The following NHS variants were observed in gnomAD, a reference collection of about 807,000 sequenced individuals.
The protein encoded by NHS is NHS actin remodeling regulator, also known as actin remodeling regulator NHS.
NHS carries 5 observed loss-of-function variants against 72.5 expected under a neutral mutation model. That is an observed-to-expected ratio of 0.07 (90% CI 0.04 to 0.14). The LOEUF (loss-of-function observed/expected upper bound fraction) is 0.14, where lower values mean the gene tolerates loss of function less well. Ranked by LOEUF, NHS falls within the 10% of genes least tolerant of loss-of-function variation. The pLI, the probability that NHS is intolerant of heterozygous loss-of-function variation, is 1.00. For synonymous variants in NHS, 464 were observed against 547.7 expected, an observed-to-expected ratio of 0.85 and a Z score of 2.13; for missense variants, 1,072 against 1,355.7, an observed-to-expected ratio of 0.79 and a Z score of 3.29.
chrX:17,585,151 C>T (rs1055261760), intron 1 of NHS, among the ~76,000 whole-genome samples: 3 of 111,178 alleles, frequency 2.7e-5, no homozygotes, highest in Non-Finnish European at 5.7e-5. Context: ...GAAAGTAGCC[C>T]GTCTCCAAAC....
chrX:17,640,839 T>C (rs1231834711), intron 1 of NHS, among the ~76,000 whole-genome samples: 3 of 112,598 alleles, frequency 2.7e-5, no homozygotes, highest in Non-Finnish European at 3.7e-5. Context: ...AACAGCCACA[T>C]AGCCGTTGGC....
At chrX:17,699,488 G>C (rs941524313) in intron 3 of NHS, among the ~76,000 whole-genome samples, 2 of 111,960 alleles carry the variant, frequency 1.8e-5, no homozygotes, top group Non-Finnish European at 3.8e-5. Flanking sequence ...CAACTGCATA[G>C]CCATTTGGTG....
intron 1 of NHS, among the ~76,000 whole-genome samples, chrX:17,593,819 G>C (rs1423563300): frequency 8.9e-6 from 1 of 111,748 alleles, no homozygotes; most frequent in Non-Finnish European, 1.9e-5. Context: ...AGGTTTCGAG[G>C]GGTTTTTTGA....
At chrX:17,615,104 GTA>G (rs1274214751) in intron 1 of NHS, among the ~76,000 whole-genome samples, 4 of 89,685 alleles carry the variant, frequency 4.5e-5, no homozygotes, top group African/African-American at 1.3e-4. Flanking sequence ...ATATATATAT[GTA>G]TATATATATA....
At position 17,378,463 on chromosome X, in the gene NHS, G is replaced by C. The variant is rs189890288; in HGVS notation, c.565+2141G>C. ...TCTCTTGTTCATTTAAATTTGGGAT[G>C]GCATTGTTTTTGTTTGATGTCATAA... On this transcript the variant is annotated intron_variant, in intron 1 of 8. Transcript: ENST00000676302. Among the ~76,000 whole-genome samples the C allele has an allele frequency of 2.4e-3, 267 of 111,975 alleles. 1 individual carries two copies. Among genetic ancestry groups the C allele is most frequent in the African/African-American group, 8.4e-3 (258 of 30,819 alleles).
Position 17,592,176 on chromosome X carries a change from C to T in NHS, c.566-95566C>T, listed in dbSNP as rs143888357. ...TTATACATTCCTTGGAGATGATCTT[C>T]TGTGTCTTTTGTACTTCAGTATAAT... On this transcript the variant is annotated intron_variant, in intron 1 of 8. Transcript: ENST00000676302. Among the ~76,000 whole-genome samples, 569 of 112,299 alleles carry T rather than the reference C, an allele frequency of 5.1e-3. 4 individuals are homozygous for T. Among genetic ancestry groups the T allele is most frequent in the African/African-American group, 0.018 (561 of 30,865 alleles).
chrX:17,523,268 C>G (rs899991790), intron 1 of NHS, among the ~76,000 whole-genome samples: 1 of 111,630 alleles, frequency 9.0e-6, no homozygotes, highest in African/African-American at 3.3e-5. Flanking sequence ...TCAGGCCTGA[C>G]AGAATGCAGG....
At chrX:17,610,982 T>A (rs995326886) in intron 1 of NHS, among the ~76,000 whole-genome samples, 6 of 112,397 alleles carry the variant, frequency 5.3e-5, no homozygotes, top group African/African-American at 1.9e-4. Flanking sequence ...ATTTAGAAAC[T>A]TTTACTGGCT....
chrX:17,501,455 G>T (rs1350974404), intron 1 of NHS, among the ~76,000 whole-genome samples: 1 of 110,856 alleles, frequency 9.0e-6, no homozygotes, highest in Non-Finnish European at 1.9e-5. Context: ...TGTGGGTGGG[G>T]CCCGCACAGT....
intron 1 of NHS, among the ~76,000 whole-genome samples, chrX:17,438,497 G>A: frequency 9.0e-6 from 1 of 111,667 alleles, no homozygotes; most frequent in East Asian, 2.8e-4. Context: ...CTGAGACCTT[G>A]CTGTTCCCAG....
chrX:17,592,036 G>A (rs1264440166), intron 1 of NHS, among the ~76,000 whole-genome samples: 2 of 109,785 alleles, frequency 1.8e-5, no homozygotes, highest in Non-Finnish European at 3.8e-5. Flanking sequence ...GTGTGTGTGT[G>A]TACATGTGCA....
At chrX:17,396,253 G>T (rs1169594549) in intron 1 of NHS, among the ~76,000 whole-genome samples, 1 of 111,941 alleles carries the variant, frequency 8.9e-6, no homozygotes, top group African/African-American at 3.2e-5. Flanking sequence ...TGAAACAATA[G>T]TTTATTAACA....
At chrX:17,534,836 C>A (rs1457688770) in intron 1 of NHS, among the ~76,000 whole-genome samples, 1 of 112,384 alleles carries the variant, frequency 8.9e-6, no homozygotes, top group Non-Finnish European at 1.9e-5. Context: ...CCAGTGCACA[C>A]CTGGAGAGTG....
At chrX:17,622,038 A>G (rs2065776678) in intron 1 of NHS, among the ~76,000 whole-genome samples, 1 of 111,989 alleles carries the variant, frequency 8.9e-6, no homozygotes, top group Non-Finnish European at 1.9e-5. Flanking sequence ...TTGTGTGTGC[A>G]AGGCCCTGAG....
chrX:17,728,947 T>C (rs1253585776), intron 8 of NHS, among the ~76,000 whole-genome samples, 172 bp downstream of exon 8: 1 of 112,476 alleles, frequency 8.9e-6, no homozygotes, highest in African/African-American at 3.2e-5. Flanking sequence ...TAGACTGATA[T>C]GCAAGTTGGG....
Position 17,469,876 on chromosome X carries a change from C to A in NHS, c.565+93554C>A, listed in dbSNP as rs1407828781. Among the ~76,000 whole-genome samples the A allele has an allele frequency of 1.5e-4, 17 of 112,159 alleles. 1 individual carries two copies. The highest frequency in any genetic ancestry group is 9.4e-5 in the Admixed American group (1 of 10,588). On this transcript the variant is annotated intron_variant, in intron 1 of 8. Coordinates refer to ENST00000676302, the MANE Select transcript of NHS (RefSeq NM_001291867.2). ...TAGGCTGGTCTCAAACTCCTTACCT[C>A]AGGTGATTGGCCCGCCTTGGCTTCC... is the stretch of plus-strand genomic sequence containing the variant.
chrX:17,394,898 C>A (rs778904688), intron 1 of NHS, among the ~76,000 whole-genome samples: 1 of 111,504 alleles, frequency 9.0e-6, no homozygotes, highest in African/African-American at 3.3e-5. Flanking sequence ...TACAATGTCA[C>A]GTTATTTCAC....
intron 1 of NHS, among the ~76,000 whole-genome samples, chrX:17,650,754 T>C (rs1601817925): frequency 8.9e-6 from 1 of 112,045 alleles, no homozygotes; most frequent in African/African-American, 3.2e-5. Context: ...AAAATAGGAG[T>C]CAATTAAGAT....
In NHS at chrX:17,407,066, C is replaced by G. The variant is rs183580181; in HGVS notation, c.565+30744C>G. Among the ~76,000 whole-genome samples the G allele has an allele frequency of 3.6e-5, 4 of 111,810 alleles. No individual in the cohort carries two copies. The Admixed American group carries it at 3.8e-4, about 11-fold the overall frequency. On this transcript the variant is annotated intron_variant, in intron 1 of 8. Coordinates refer to ENST00000676302, the MANE Select transcript of NHS (RefSeq NM_001291867.2). ...CCTTCCTCCCAACGGCTCAGGTATA[C>G]CTGAGAAACCTACATCTGCTGGCAT... is the stretch of plus-strand genomic sequence containing the variant.
Sources: allele counts gnomAD v4.1 joint callset (sites outside exome capture counted in the v4.1 genomes callset), GRCh38; gene constraint gnomAD v4.1.1; transcripts MANE v1.5; gene names NCBI Gene and HGNC (gene_info 2026-07-23, HGNC 2026-07-21).